CFAP20DC: variants seen among roughly 807,000 people sequenced by gnomAD.
CFAP20DC encodes the protein protein CFAP20DC.
A neutral mutation model predicts 101.7 loss-of-function variants in CFAP20DC; 84 were observed. That is an observed-to-expected ratio of 0.83 (90% CI 0.69 to 0.99). CFAP20DC has a LOEUF of 0.99. Among genes scored for constraint, CFAP20DC ranks in the 50% least tolerant of loss-of-function variants. The probability of loss-of-function intolerance (pLI) is 0.00; values close to 1 mark genes in which losing one functional copy is unlikely to be tolerated. For missense variants in CFAP20DC, 1,007 were observed against 970.3 expected (o/e 1.04, Z -0.50); for synonymous variants, 359 against 351.2 (o/e 1.02, Z -0.25).
In CFAP20DC at chr3:58,799,978, A is replaced by G. The variant is rs2073565491; in HGVS notation, c.2237+6417T>C. ...GTTAAGAGAACTCCATCCAGGCAGC[A>G]CTCCTAAGTGGGGACCAAGCCTGGA... On this transcript the variant is annotated intron_variant, in intron 15 of 16. Coordinates refer to ENST00000482387, the MANE Select transcript of CFAP20DC (RefSeq NM_001394063.1). The surrounding 1 kb of genome is among the most constrained non-coding windows in gnomAD (Gnocchi z 4.9). Among the ~76,000 whole-genome samples, 1 of 152,148 alleles carries G rather than the reference A, an allele frequency of 6.6e-6. No individual in the cohort carries two copies. Among genetic ancestry groups the G allele is most frequent in the South Asian group, 2.1e-4 (1 of 4,820 alleles).
At chr3:58,740,657 G>A (rs2067860421), downstream of CFAP20DC, among the ~76,000 whole-genome samples, 1 of 151,968 alleles carries the variant, frequency 6.6e-6, no homozygotes, top group Admixed American at 6.6e-5. This position sits in a 1 kb window ranked among gnomAD's most constrained non-coding sequence, Gnocchi z 4.6. Flanking sequence ...TCTGTTTTGG[G>A]GCATTTGAGG....
At chr3:58,750,191 C>T (rs2068470879) in intron 16 of CFAP20DC, among the ~76,000 whole-genome samples, 1 of 152,160 alleles carries the variant, frequency 6.6e-6, no homozygotes, top group South Asian at 2.1e-4. Flanking sequence ...ACTCAAGGGC[C>T]AGATATAACT....
In CFAP20DC at chr3:58,870,281, A is replaced by G. The variant is rs928978109; in HGVS notation, c.744T>C (p.Ile248=). 2 of 1,613,878 alleles carry G rather than the reference A, an allele frequency of 1.2e-6. No individual in the cohort carries two copies. Among genetic ancestry groups the G allele is most frequent in the Non-Finnish European group, 1.7e-6 (2 of 1,179,874 alleles). Residue 248 remains isoleucine, a synonymous_variant, in exon 8 of 17, where the codon ATT becomes ATC. Transcript: ENST00000482387. ...SDQFINRGTS[I]TRNSKNQDVC... ...CATCTTGATTTTTACTGTTCCGTGT[A>G]ATACTTGTTCCTCTGTTAATGAACT... is the stretch of plus-strand genomic sequence containing the variant.
At chr3:58,762,466 A>C (rs2069731625) in intron 15 of CFAP20DC, among the ~76,000 whole-genome samples, 1 of 152,156 alleles carries the variant, frequency 6.6e-6, no homozygotes, top group African/African-American at 2.4e-5. Flanking sequence ...AATACAGCAC[A>C]CTGATGGGTC....
At chr3:58,812,910 A>C (rs2074783367) in intron 14 of CFAP20DC, among the ~76,000 whole-genome samples, 2 of 151,848 alleles carry the variant, frequency 1.3e-5, no homozygotes, top group Admixed American at 1.3e-4. Flanking sequence ...TGCTGTTAAC[A>C]TTGGTTGATA....
intron 15 of CFAP20DC, among the ~76,000 whole-genome samples, chr3:58,781,879 A>G (rs546426240): frequency 6.6e-6 from 1 of 152,028 alleles, no homozygotes; most frequent in East Asian, 1.9e-4. Flanking sequence ...TTCTTCTTGA[A>G]CTATCCCAAA....
chr3:59,047,108 T>C, intron 2 of CFAP20DC, 57 bp downstream of exon 2: 3 of 1,137,030 alleles, frequency 2.6e-6, no homozygotes, highest in Non-Finnish European at 1.3e-6. Flanking sequence ...CTTTCTTCTA[T>C]AAGCTTCACT....
intron 13 of CFAP20DC, among the ~76,000 whole-genome samples, chr3:58,835,562 AT>A (rs1248629973): frequency 6.6e-6 from 1 of 152,170 alleles, no homozygotes. Flanking sequence ...CTGATGCTAT[AT>A]TTGCTTAAAA....
intron 4 of CFAP20DC, among the ~76,000 whole-genome samples, chr3:58,974,412 T>C (rs1478572312): frequency 6.6e-6 from 1 of 152,158 alleles, no homozygotes; most frequent in Non-Finnish European, 1.5e-5. Flanking sequence ...CCCAGCTGCA[T>C]CCATGTTGCT....
Position 58,795,541 on chromosome 3 carries a change from C to T in CFAP20DC, c.2237+10854G>A, listed in dbSNP as rs1227733719. Among the ~76,000 whole-genome samples, 1 of 152,192 alleles carries T rather than the reference C, an allele frequency of 6.6e-6. No homozygotes were observed. The highest frequency in any genetic ancestry group is 1.5e-5 in the Non-Finnish European group (1 of 68,026). ...ATGGGAAGCTGGAGTGGGAGAGTTA[C>T]CTGAGCCCGGGAGGCCGAGGCTGCA... On this transcript the variant is annotated intron_variant, in intron 15 of 16. Coordinates refer to ENST00000482387, the MANE Select transcript of CFAP20DC (RefSeq NM_001394063.1). The surrounding 1 kb of genome is among the most constrained non-coding windows in gnomAD (Gnocchi z 4.2).
intron 13 of CFAP20DC, among the ~76,000 whole-genome samples, chr3:58,842,408 G>A (rs1173401481): frequency 1.3e-5 from 2 of 151,876 alleles, no homozygotes; most frequent in African/African-American, 4.8e-5. Flanking sequence ...GGTGACAGAC[G>A]CACCTGGAAA....
intron 4 of CFAP20DC, among the ~76,000 whole-genome samples, chr3:58,950,231 C>G (rs946782806): frequency 8.5e-5 from 13 of 152,158 alleles, no homozygotes; most frequent in African/African-American, 2.7e-4. Flanking sequence ...TCAAGGAGAA[C>G]TACAAACCAC....
At position 58,894,660 on chromosome 3, in the gene CFAP20DC, G is replaced by A. The variant is rs539710091; in HGVS notation, c.551-9951C>T. On this transcript the variant is annotated intron_variant, in intron 6 of 16. Transcript: ENST00000482387. The surrounding 1 kb of genome is among the most constrained non-coding windows in gnomAD (Gnocchi z 4.1). Reference sequence around the variant, plus strand: ...AAGCTGTCAGTGGATCTACCATTCCGGGGTTTGGAGGATGGTGGCCCTCTT... The same window carrying A: ...AAGCTGTCAGTGGATCTACCATTCCAGGGTTTGGAGGATGGTGGCCCTCTT... Among the ~76,000 whole-genome samples, 44 of 152,224 alleles carry A rather than the reference G, an allele frequency of 2.9e-4. No individual in the cohort carries two copies. Among genetic ancestry groups the A allele is most frequent in the Middle Eastern group, 3.4e-3 (1 of 294 alleles).
chr3:58,824,589 T>C (rs2075912404), intron 14 of CFAP20DC: 1 of 152,088 alleles, frequency 6.6e-6, no homozygotes, highest in Admixed American at 6.6e-5. Flanking sequence ...AAGATAATAT[T>C]TTTATGTTGT....
intron 14 of CFAP20DC, among the ~76,000 whole-genome samples, chr3:58,816,429 T>G (rs538870006): frequency 6.6e-6 from 1 of 152,070 alleles, no homozygotes; most frequent in African/African-American, 2.4e-5. Context: ...GGCCAGTGGG[T>G]GCGTGCACCG....
At position 59,043,041 on chromosome 3, in the gene CFAP20DC, T is replaced by C. The variant is rs186608255; in HGVS notation, c.205+3188A>G. The stretch of plus-strand genomic sequence containing the variant: ...ACCAGAAGTTAGGCTTTGGACATAT[T>C]GTATTTCAGCTGTCCAAGCGTAGAA... On this transcript the variant is annotated intron_variant, in intron 3 of 16. Coordinates refer to ENST00000482387, the MANE Select transcript of CFAP20DC (RefSeq NM_001394063.1). 3.2e-3 allele frequency among the ~76,000 whole-genome samples: 483 copies of C among 152,296 alleles called. 9 individuals are homozygous for C. The Middle Eastern group carries it at 0.034, about 11-fold the overall frequency.
intron 4 of CFAP20DC, among the ~76,000 whole-genome samples, chr3:58,994,349 A>C (rs897285112): frequency 1.3e-5 from 2 of 152,204 alleles, no homozygotes; most frequent in South Asian, 2.1e-4. Context: ...TAAGGCTGGA[A>C]GTATGATGGC....
Position 58,913,685 on chromosome 3 carries a change from T to A in CFAP20DC, c.550+23A>T, listed in dbSNP as rs765089686. 1 of 1,612,292 alleles carries A rather than the reference T, an allele frequency of 6.2e-7. No homozygotes were observed. The highest frequency in any genetic ancestry group is 2.2e-5 in the East Asian group (1 of 44,828). On this transcript the variant is annotated intron_variant, in intron 6 of 16. Coordinates refer to ENST00000482387, the MANE Select transcript of CFAP20DC (RefSeq NM_001394063.1). This position sits in a 1 kb window ranked among gnomAD's most constrained non-coding sequence, Gnocchi z 4.4. ...AAAAATACATCAGAGAATTAAAAAATCTTGATAGCAACCTGAACATACCAT... is the reference window on the plus strand; with the variant it reads ...AAAAATACATCAGAGAATTAAAAAAACTTGATAGCAACCTGAACATACCAT...
At position 58,913,927 on chromosome 3, in the gene CFAP20DC, T is replaced by C; in HGVS notation, c.394-63A>G. 1 of 1,546,424 alleles carries C rather than the reference T, an allele frequency of 6.5e-7. No individual in the cohort carries two copies. The highest frequency in any genetic ancestry group is 8.9e-7 in the Non-Finnish European group (1 of 1,124,380). On this transcript the variant is annotated intron_variant, in intron 5 of 16. Transcript: ENST00000482387. The surrounding 1 kb of genome is among the most constrained non-coding windows in gnomAD (Gnocchi z 4.4). ...CATCAACACATAAATGAACAAACCA[T>C]CTATATGTAGACATTCAAAGAGTTG...
Sources: allele counts gnomAD v4.1 joint callset (sites outside exome capture counted in the v4.1 genomes callset), GRCh38; gene constraint gnomAD v4.1.1; non-coding constraint Gnocchi (gnomAD v3.1); transcripts MANE v1.5; gene names NCBI Gene and HGNC (gene_info 2026-07-23, HGNC 2026-07-21).